Variants in UBE2E2 observed in about 807,000 individuals in gnomAD.
UBE2E2 encodes the protein ubiquitin-conjugating enzyme E2 E2.
UBE2E2 carries 6 observed loss-of-function variants against 24.7 expected under a neutral mutation model. The ratio of observed to expected loss-of-function variants is 0.24; its 90% CI spans 0.13 to 0.48. The LOEUF is 0.48. UBE2E2 is among the 20% of genes least tolerant of loss of function. The probability of loss-of-function intolerance (pLI) is 0.99; values close to 1 mark genes in which losing one functional copy is unlikely to be tolerated. For synonymous variants in UBE2E2, 104 were observed against 83.6 expected (o/e 1.24, Z -1.33); for missense variants, 169 against 245.0 (o/e 0.69, Z 2.07).
chr3:23,302,317 A>G (rs1176231425), intron 3 of UBE2E2, among the ~76,000 whole-genome samples: 1 of 152,258 alleles, frequency 6.6e-6, no homozygotes, highest in East Asian at 1.9e-4. Context: ...ATCCAACCAT[A>G]TTTCCCACTG....
At chr3:23,435,971 A>C (rs984641244) in intron 3 of UBE2E2, among the ~76,000 whole-genome samples, 3 of 152,106 alleles carry the variant, frequency 2.0e-5, no homozygotes, top group Non-Finnish European at 4.4e-5. Context: ...TTAGATTCTC[A>C]TAAGGAGCGC....
intron 5 of UBE2E2, among the ~76,000 whole-genome samples, chr3:23,540,124 T>C (rs1695355810): frequency 6.6e-6 from 1 of 152,126 alleles, no homozygotes; most frequent in South Asian, 2.1e-4. Context: ...AGGGCAGTGG[T>C]GTCGTCATAG....
chr3:23,495,716 A>G (rs188257547), intron 3 of UBE2E2, among the ~76,000 whole-genome samples: 1 of 152,296 alleles, frequency 6.6e-6, no homozygotes, highest in Admixed American at 6.5e-5. Context: ...TTGTCTGGCA[A>G]CAAGAGGCTG....
chr3:23,426,959 TAAC>T (rs1331310742), intron 3 of UBE2E2, among the ~76,000 whole-genome samples: 3 of 152,056 alleles, frequency 2.0e-5, no homozygotes, highest in Non-Finnish European at 4.4e-5. Context: ...TAGAAAGAAA[TAAC>T]AACAATGGTA....
chr3:23,306,744 G>C (rs1049952681), intron 3 of UBE2E2, among the ~76,000 whole-genome samples: 2 of 152,036 alleles, frequency 1.3e-5, no homozygotes, highest in Non-Finnish European at 1.5e-5. Context: ...TGATACCTAC[G>C]GAGCAAGAAC....
chr3:23,212,870 C>T (rs1696367099), intron 2 of UBE2E2, among the ~76,000 whole-genome samples: 1 of 152,054 alleles, frequency 6.6e-6, no homozygotes, highest in Non-Finnish European at 1.5e-5. Flanking sequence ...CTTTCAGAAT[C>T]ATAGATATAT....
intron 4 of UBE2E2, among the ~76,000 whole-genome samples, chr3:23,517,333 TA>T (rs1176739323): frequency 6.6e-6 from 1 of 152,186 alleles, no homozygotes; most frequent in Non-Finnish European, 1.5e-5. Context: ...CAAGACTTTT[TA>T]AATTGCCTTA....
intron 3 of UBE2E2, among the ~76,000 whole-genome samples, chr3:23,326,152 A>T (rs1419995170): frequency 2.6e-5 from 4 of 152,024 alleles, no homozygotes; most frequent in African/African-American, 9.7e-5. Context: ...GCTCACTGCA[A>T]CCTCCACCCC....
At chr3:23,255,947 C>T (rs923797972) in intron 3 of UBE2E2, among the ~76,000 whole-genome samples, 18 of 152,082 alleles carry the variant, frequency 1.2e-4, no homozygotes, top group African/African-American at 4.1e-4. Flanking sequence ...TGCAGTTCAG[C>T]CTGGGCAACA....
At chr3:23,207,220 A>C (rs1414228301) in intron 1 of UBE2E2, among the ~76,000 whole-genome samples, 1 of 152,194 alleles carries the variant, frequency 6.6e-6, no homozygotes, top group East Asian at 1.9e-4. Flanking sequence ...CATCAAACTC[A>C]GAAATTGATT....
intron 3 of UBE2E2, among the ~76,000 whole-genome samples, chr3:23,274,137 A>G (rs972727246): frequency 4.6e-5 from 7 of 152,180 alleles, no homozygotes; most frequent in Non-Finnish European, 7.4e-5. Flanking sequence ...ATTTGTCTCT[A>G]TATGTGTTGC....
At chr3:23,211,193 A>G (rs938792318) in intron 2 of UBE2E2, among the ~76,000 whole-genome samples, 3 of 152,166 alleles carry the variant, frequency 2.0e-5, no homozygotes, top group Non-Finnish European at 2.9e-5. Flanking sequence ...GGATCTTAGT[A>G]CTAGTGTGTT....
chr3:23,564,892 C>T (rs1158230663), intron 5 of UBE2E2, among the ~76,000 whole-genome samples: 1 of 152,068 alleles, frequency 6.6e-6, no homozygotes, highest in Admixed American at 6.6e-5. Context: ...TGAAGAATGA[C>T]TGGCACTGCT....
At chr3:23,558,730 A>G (rs577432888) in intron 5 of UBE2E2, among the ~76,000 whole-genome samples, 6 of 152,136 alleles carry the variant, frequency 3.9e-5, no homozygotes, top group East Asian at 1.9e-4. Flanking sequence ...TAATGTGACT[A>G]TTTCAACTCT....
intron 3 of UBE2E2, among the ~76,000 whole-genome samples, chr3:23,327,026 G>A (rs1179852313): frequency 6.6e-6 from 1 of 152,154 alleles, no homozygotes. Flanking sequence ...TGGCTGCATG[G>A]TATTCCGTGG....
intron 4 of UBE2E2, among the ~76,000 whole-genome samples, 164 bp from the exon 5 acceptor site, chr3:23,532,381 ATGATCTCTG>A (rs1695145423): frequency 6.6e-6 from 1 of 152,190 alleles, no homozygotes; most frequent in Admixed American, 6.5e-5. Context: ...TTCTAAAATG[ATGATCTCTG>A]TTGATTAATC....
chr3:23,473,688 G>A (rs1157325021), intron 3 of UBE2E2, among the ~76,000 whole-genome samples: 1 of 151,990 alleles, frequency 6.6e-6, no homozygotes, highest in African/African-American at 2.4e-5. Context: ...TACGATGTTT[G>A]GTTTTCCATT....
chr3:23,382,471 C>T (rs558681356), intron 3 of UBE2E2, among the ~76,000 whole-genome samples: 4 of 152,178 alleles, frequency 2.6e-5, no homozygotes, highest in South Asian at 2.1e-4. Context: ...GATAAGCCAC[C>T]GTGCCCGGCC....
chr3:23,351,110 C>G (rs1396157486), intron 3 of UBE2E2, among the ~76,000 whole-genome samples: 1 of 152,248 alleles, frequency 6.6e-6, no homozygotes, highest in Non-Finnish European at 1.5e-5. Context: ...GAATTTTCAG[C>G]CCATAATTTC....
Sources: allele counts gnomAD v4.1 joint callset (sites outside exome capture counted in the v4.1 genomes callset), GRCh38; gene constraint gnomAD v4.1.1; transcripts MANE v1.5; gene names NCBI Gene and HGNC (gene_info 2026-07-23, HGNC 2026-07-21).